UBR3: variants seen among roughly 807,000 people sequenced by gnomAD.
UBR3 encodes ubiquitin protein ligase E3 component n-recognin 3, also known as E3 ubiquitin-protein ligase UBR3.
A neutral mutation model predicts 243.2 loss-of-function variants in UBR3; 85 were observed. That is an observed-to-expected ratio of 0.35 (90% confidence interval 0.29 to 0.42). The LOEUF is 0.42. Among genes scored for constraint, UBR3 ranks in the 10% least tolerant of loss-of-function variants. The probability of loss-of-function intolerance (pLI) is 1.00; values close to 1 mark genes in which losing one functional copy is unlikely to be tolerated. For missense variants in UBR3, 1,686 were observed against 2,300.8 expected, an observed-to-expected ratio of 0.73 and a Z score of 5.47; for synonymous variants, 748 against 799.8, an observed-to-expected ratio of 0.94 and a Z score of 1.09.
intron 1 of UBR3, among the ~76,000 whole-genome samples, chr2:169,847,955 T>G (rs973355031): frequency 2.0e-5 from 3 of 152,232 alleles, no homozygotes; most frequent in Non-Finnish European, 4.4e-5. Flanking sequence ...TGTGGAATTC[T>G]TTACTTTTTA....
intron 5 of UBR3, among the ~76,000 whole-genome samples, chr2:169,890,583 A>ATATG (rs2084331460): frequency 2.1e-5 from 2 of 94,146 alleles, no homozygotes; most frequent in Admixed American, 1.1e-4. Flanking sequence ...ATATATATGT[A>ATATG]TATATATATG....
intron 32 of UBR3, among the ~76,000 whole-genome samples, chr2:170,042,823 T>G (rs1010686206): frequency 6.6e-6 from 1 of 151,840 alleles, no homozygotes; most frequent in African/African-American, 2.4e-5. Context: ...ACTGCAAAAC[T>G]TCAGATATTT....
chr2:169,890,550 T>TAC, intron 5 of UBR3, among the ~76,000 whole-genome samples: 1 of 23,414 alleles, frequency 4.3e-5, no homozygotes, highest in African/African-American at 8.3e-5. Context: ...GATATATATA[T>TAC]ATATATATAT....
intron 32 of UBR3, among the ~76,000 whole-genome samples, chr2:170,051,688 G>C (rs2091221259): frequency 6.6e-6 from 1 of 152,144 alleles, no homozygotes; most frequent in African/African-American, 2.4e-5. Flanking sequence ...TGTATGTATA[G>C]TTTAAGAAGA....
intron 1 of UBR3, among the ~76,000 whole-genome samples, chr2:169,854,776 G>A (rs967679910): frequency 1.9e-4 from 29 of 151,826 alleles, no homozygotes; most frequent in South Asian, 6.3e-4. Context: ...AAAATCTCAG[G>A]GTAAAGAAGT....
intron 27 of UBR3, among the ~76,000 whole-genome samples, chr2:170,003,265 C>T (rs1332245520): frequency 6.6e-6 from 1 of 152,184 alleles, no homozygotes; most frequent in African/African-American, 2.4e-5. Context: ...TTTAAATCAA[C>T]AATACGTGTT....
chr2:170,080,288 A>C, intron 37 of UBR3: 2 of 563,690 alleles, frequency 3.5e-6, no homozygotes, highest in Non-Finnish European at 6.0e-6. Flanking sequence ...GTGCTGTGAA[A>C]CAGAAGTCAT....
At chr2:169,858,822 A>T (rs1329492652) in intron 1 of UBR3, among the ~76,000 whole-genome samples, 1 of 151,318 alleles carries the variant, frequency 6.6e-6, no homozygotes, top group East Asian at 1.9e-4. Flanking sequence ...CTGGTCTTGA[A>T]CTCCTGACCT....
rs144381779 is a variant in UBR3, at chr2:169,848,594, C to G, written c.545+20542C>G. ...GTGCTCCCAGAAAGTCTATTGCTTT[C>G]TGCTCTATTTTTGGGAGAGGACTAT... On this transcript the variant is annotated intron_variant, in intron 1 of 38. Coordinates refer to ENST00000272793, the MANE Select transcript of UBR3 (RefSeq NM_172070.4). Among the ~76,000 whole-genome samples the G allele has an allele frequency of 2.6e-4, 39 of 152,012 alleles. No homozygotes were observed. The East Asian group carries it at 7.0e-3, about 27-fold the overall frequency.
intron 18 of UBR3, among the ~76,000 whole-genome samples, chr2:169,929,690 C>T (rs1022169338): frequency 1.2e-4 from 19 of 152,100 alleles, no homozygotes; most frequent in African/African-American, 2.4e-4. Context: ...AGGTTTCTCC[C>T]GCATAGATTC....
At chr2:169,912,924 A>G (rs2085309722) in intron 10 of UBR3, among the ~76,000 whole-genome samples, 2 of 152,078 alleles carry the variant, frequency 1.3e-5, no homozygotes, top group African/African-American at 4.8e-5. Flanking sequence ...AGATAGGACT[A>G]TAAATGCACG....
At chr2:170,016,898 C>T (rs2090251890) in intron 30 of UBR3, 2 of 816,798 alleles carry the variant, frequency 2.4e-6, no homozygotes, top group South Asian at 5.8e-5. Flanking sequence ...TAGAAAAAGT[C>T]ATGATAAAGT....
intron 5 of UBR3, among the ~76,000 whole-genome samples, chr2:169,886,543 T>C (rs1195897828): frequency 2.0e-5 from 3 of 152,216 alleles, no homozygotes. Context: ...CTTTTAGATA[T>C]TAATATTTTC....
chr2:169,935,491 G>C (rs892420638), intron 19 of UBR3, among the ~76,000 whole-genome samples: 7 of 152,194 alleles, frequency 4.6e-5, no homozygotes, highest in Non-Finnish European at 1.0e-4. Context: ...CAGTGGCAGT[G>C]TTGTTAGAAC....
At chr2:169,914,216 C>T (rs79683694) in intron 11 of UBR3, 70 bp downstream of exon 11, 2 of 769,534 alleles carry the variant, frequency 2.6e-6, no homozygotes. Context: ...TGTTAGATTT[C>T]ATTTAATGTT....
chr2:169,975,852 G>T (rs1253777734), intron 24 of UBR3, among the ~76,000 whole-genome samples: 2 of 148,546 alleles, frequency 1.3e-5, no homozygotes, highest in African/African-American at 4.9e-5. Context: ...GCAATTATCT[G>T]GATCTGCATA....
rs569582657 is a variant in UBR3 at position 169,843,265 on chromosome 2, G to T, written c.545+15213G>T. Among the ~76,000 whole-genome samples the T allele has an allele frequency of 3.9e-5, 6 of 152,334 alleles. No homozygotes were observed. The South Asian group carries it at 1.2e-3, about 32-fold the overall frequency. ...ATTATTTCTTACAGTTTGAAGGCTG[G>T]GAAGTCCAAGATCAAAGCACTCATA... is the stretch of plus-strand genomic sequence containing the variant. On this transcript the variant is annotated intron_variant, in intron 1 of 38. Coordinates refer to ENST00000272793, the MANE Select transcript of UBR3 (RefSeq NM_172070.4).
At chr2:170,055,803 CA>C (rs1414348621) in intron 33 of UBR3, among the ~76,000 whole-genome samples, 1 of 151,844 alleles carries the variant, frequency 6.6e-6, no homozygotes, top group Non-Finnish European at 1.5e-5. Flanking sequence ...TATATTTGAG[CA>C]GTTTTGTTTT....
intron 11 of UBR3, among the ~76,000 whole-genome samples, chr2:169,921,095 G>A (rs796880721): frequency 9.8e-5 from 15 of 152,296 alleles, no homozygotes; most frequent in African/African-American, 3.6e-4. Flanking sequence ...AAATATAGGA[G>A]GCTTGTGAGA....
Sources: gnomAD v4.1 joint callset for allele counts (sites outside exome capture counted in the v4.1 genomes callset) on GRCh38, gnomAD v4.1.1 for gene constraint, MANE v1.5 for transcripts, NCBI Gene and HGNC (gene_info 2026-07-23, HGNC 2026-07-21) for gene names.